TSKU: variants seen among roughly 807,000 people sequenced by gnomAD.
TSKU encodes the protein tsukushi, small leucine rich proteoglycan, also known as tsukushi.
TSKU carries 4 observed loss-of-function variants against 11.2 expected under a neutral mutation model. The ratio of observed to expected loss-of-function variants is 0.36; its 90% CI spans 0.18 to 0.82. TSKU has a LOEUF of 0.82. Ranked by LOEUF, TSKU falls within the 40% of genes least tolerant of loss-of-function variation. The probability of loss-of-function intolerance (pLI) is 0.50; values close to 1 mark genes in which losing one functional copy is unlikely to be tolerated. For synonymous variants in TSKU, 220 were observed against 232.2 expected (o/e 0.95, Z 0.48); for missense variants, 407 against 482.5 (o/e 0.84, Z 1.47).
Position 76,786,799 on chromosome 11 carries a change from C to A in TSKU, c.-9+3395C>A, listed in dbSNP as rs967525848. Among the ~76,000 whole-genome samples the A allele has an allele frequency of 2.6e-5, 4 of 152,306 alleles. No individual in the cohort carries two copies. In the East Asian group the frequency reaches 7.7e-4, roughly 29 times the overall value. ...GCCTGCTTTGGTCTCTGAGACCTTT[C>A]CAGCTCACCCTTCCCAGTCTCCTGG... On this transcript the variant is annotated intron_variant, in intron 1 of 1. Coordinates refer to ENST00000333090, the MANE Select transcript of TSKU (RefSeq NM_015516.4).
At chr11:76,789,743 T>C (rs1944346735) in intron 1 of TSKU, among the ~76,000 whole-genome samples, 1 of 152,224 alleles carries the variant, frequency 6.6e-6, no homozygotes, top group Non-Finnish European at 1.5e-5. Context: ...GATCCCTTTC[T>C]CCCTCAGCCT....
At chr11:76,792,405 T>A (rs937956318) in intron 1 of TSKU, 1 of 152,188 alleles carries the variant, frequency 6.6e-6, no homozygotes, top group Non-Finnish European at 1.5e-5. Flanking sequence ...AATACTGAAA[T>A]GAGTTAAGAC....
At chr11:76,789,222 AG>A (rs1389493273) in intron 1 of TSKU, among the ~76,000 whole-genome samples, 1 of 152,246 alleles carries the variant, frequency 6.6e-6, no homozygotes, top group Non-Finnish European at 1.5e-5. Flanking sequence ...AAGTCCATCA[AG>A]GGAAGGCTGT....
intron 1 of TSKU, among the ~76,000 whole-genome samples, chr11:76,787,011 C>T (rs1056176221): frequency 6.6e-6 from 1 of 152,170 alleles, no homozygotes; most frequent in Non-Finnish European, 1.5e-5. Context: ...GGGACAGGAA[C>T]CAACATTCAG....
intron 1 of TSKU, among the ~76,000 whole-genome samples, chr11:76,785,953 G>T (rs927517097): frequency 1.3e-5 from 2 of 152,226 alleles, no homozygotes. Context: ...CTGATTTGGT[G>T]TATTAAATAA....
At chr11:76,792,247 T>C (rs1944381305) in intron 1 of TSKU, 1 of 152,250 alleles carries the variant, frequency 6.6e-6, no homozygotes, top group South Asian at 2.1e-4. Context: ...TTGTTTTGGC[T>C]AATTTCTTCC....
intron 1 of TSKU, among the ~76,000 whole-genome samples, chr11:76,786,748 C>T (rs1944316526): frequency 6.6e-6 from 1 of 152,204 alleles, no homozygotes; most frequent in East Asian, 1.9e-4. Flanking sequence ...AGCCCTCATT[C>T]TGTCACAGGC....
At chr11:76,789,126 C>G (rs983737027) in intron 1 of TSKU, among the ~76,000 whole-genome samples, 14 of 152,214 alleles carry the variant, frequency 9.2e-5, no homozygotes, top group African/African-American at 3.4e-4. Context: ...CCCCAGTTGC[C>G]CATGATCCCC....
intron 1 of TSKU, among the ~76,000 whole-genome samples, chr11:76,794,226 CACT>C (rs1473741681): frequency 2.6e-5 from 4 of 152,224 alleles, no homozygotes; most frequent in Admixed American, 6.5e-5. Flanking sequence ...ATGCTGGCAC[CACT>C]GAGCACCACC....
At chr11:76,795,117 G>A (rs1344400473) in intron 1 of TSKU, among the ~76,000 whole-genome samples, 1 of 152,186 alleles carries the variant, frequency 6.6e-6, no homozygotes, top group African/African-American at 2.4e-5. Flanking sequence ...CAGAGAGTGG[G>A]GCACCCTGGG....
intron 1 of TSKU, among the ~76,000 whole-genome samples, chr11:76,788,717 C>G (rs1944335919): frequency 6.6e-6 from 1 of 152,226 alleles, no homozygotes; most frequent in Non-Finnish European, 1.5e-5. Context: ...AGGTACAGAG[C>G]TAGGTTCACA....
rs543814340 is a variant in TSKU at position 76,796,642 on chromosome 11, C to T, written c.1026C>T (p.Thr342=). The T allele has an allele frequency of 2.1e-5, 30 of 1,454,948 alleles. No homozygotes were observed. In the South Asian group the frequency reaches 3.9e-4, roughly 19 times the overall value. 90.1% of individuals were successfully genotyped at this position (1,454,948 alleles called of 1,614,324 possible). Residue 342 remains threonine, a synonymous_variant, in exon 2 of 2, where the codon ACC becomes ACT. Transcript: ENST00000333090. The surrounding 1 kb of genome is among the most constrained non-coding windows in gnomAD (Gnocchi z 4.1). ...SPKVALHCVD[T]RDSAARGPTI... ...AGGTGGCCCTGCACTGCGTAGACAC[C>T]CGGGATTCTGCTGCCAGGGGCCCCA...
At position 76,794,975 on chromosome 11, in the gene TSKU, C is replaced by T. The variant is rs114184774; in HGVS notation, c.-8-634C>T. On this transcript the variant is annotated intron_variant, in intron 1 of 1. Coordinates refer to ENST00000333090, the MANE Select transcript of TSKU (RefSeq NM_015516.4). ...ACTCTGCTGTGTGGCTGTCCAAAAG[C>T]GTCTTAACCTAAGGCCCAGTTCCCT... is the stretch of plus-strand genomic sequence containing the variant. 9.0e-3 allele frequency among the ~76,000 whole-genome samples: 1,370 copies of T among 152,310 alleles called. 21 individuals are homozygous for T. The highest frequency in any genetic ancestry group is 0.03 in the African/African-American group (1,252 of 41,552).
At chr11:76,786,020 G>T (rs1387300578) in intron 1 of TSKU, among the ~76,000 whole-genome samples, 2 of 152,248 alleles carry the variant, frequency 1.3e-5, no homozygotes, top group Middle Eastern at 3.2e-3. Context: ...GTATTACATT[G>T]TGCAGACATT....
intron 1 of TSKU, among the ~76,000 whole-genome samples, chr11:76,786,065 G>A (rs963269360): frequency 6.6e-6 from 1 of 152,280 alleles, no homozygotes; most frequent in African/African-American, 2.4e-5. Flanking sequence ...GGCAGAGACA[G>A]CATTGACTCT....
At position 76,797,484 on chromosome 11, in the gene TSKU, TG is replaced by T. The variant is rs1165580543; in HGVS notation, c.*809del. On this transcript the variant is annotated 3_prime_UTR_variant, in exon 2 of 2. Transcript: ENST00000333090. ...TGGGCCTCTGACCAGCTGTGCGGCA[TG>T]GGCTAAGTCACTCTGCCCTTCGGAG... 1.8e-5 allele frequency: 3 copies of T among 167,222 alleles called. No homozygotes were observed. Among genetic ancestry groups the T allele is most frequent in the Non-Finnish European group, 4.4e-5 (3 of 68,200 alleles). 10.4% of individuals were successfully genotyped at this position (167,222 alleles called of 1,614,324 possible).
intron 1 of TSKU, among the ~76,000 whole-genome samples, chr11:76,793,642 G>T (rs562942411): frequency 6.6e-6 from 1 of 152,104 alleles, no homozygotes; most frequent in Non-Finnish European, 1.5e-5. Flanking sequence ...TGAGCCCTGC[G>T]GTGAGGAGCT....
In TSKU at chr11:76,797,509, A is replaced by G. The variant is rs1359614101; in HGVS notation, c.*831A>G. 1.2e-5 allele frequency: 2 copies of G among 167,094 alleles called. No individual in the cohort carries two copies. Among genetic ancestry groups the G allele is most frequent in the Non-Finnish European group, 2.9e-5 (2 of 68,154 alleles). 10.4% of individuals were successfully genotyped at this position (167,094 alleles called of 1,614,324 possible). On this transcript the variant is annotated 3_prime_UTR_variant, in exon 2 of 2. Coordinates refer to ENST00000333090, the MANE Select transcript of TSKU (RefSeq NM_015516.4). ...TGGGCTAAGTCACTCTGCCCTTCGG[A>G]GCCTCTGGAAGCTTAGGGCACATTG...
rs747715498 is a variant in TSKU, at chr11:76,795,815, T to C, written c.199T>C (p.Ser67Pro). 1 of 1,614,010 alleles carries C rather than the reference T, an allele frequency of 6.2e-7. No individual in the cohort carries two copies. The highest frequency in any genetic ancestry group is 1.1e-5 in the South Asian group (1 of 91,074). ...GGACACAGCCCACTTGGACCTGTCC[T>C]CCAACCGGCTGGAGATGGTGAATGA... The part of the protein sequence containing the change: ...PLDTAHLDLS[S>P]NRLEMVNESV... The change falls in exon 2 of 2, where the codon TCC (serine) becomes CCC (proline). Residue 67 changes from serine to proline, a missense_variant. Transcript: ENST00000333090.
Sources: gnomAD v4.1 joint callset for allele counts (sites outside exome capture counted in the v4.1 genomes callset) on GRCh38, gnomAD v4.1.1 for gene constraint, Gnocchi (gnomAD v3.1) non-coding constraint, MANE v1.5 for transcripts, NCBI Gene and HGNC (gene_info 2026-07-23, HGNC 2026-07-21) for gene names.